FCHO2: variants seen among roughly 807,000 people sequenced by gnomAD.
FCHO2 encodes F-BAR domain only protein 2.
In FCHO2, 43 loss-of-function variants were observed where a neutral mutation model predicts 114.1. That is an observed-to-expected ratio of 0.38 (90% confidence interval 0.30 to 0.49). The LOEUF (loss-of-function observed/expected upper bound fraction) is 0.49. FCHO2 is among the 20% of genes least tolerant of loss of function. The pLI is 0.97. For synonymous variants in FCHO2, 293 were observed against 315.2 expected (o/e 0.93, Z 0.75); for missense variants, 807 against 950.4 (o/e 0.85, Z 1.98).
At chr5:72,998,564 A>G (rs1329016443) in intron 5 of FCHO2, among the ~76,000 whole-genome samples, 2 of 151,982 alleles carry the variant, frequency 1.3e-5, no homozygotes. Flanking sequence ...CCAACAGTGA[A>G]TTGGTATGGG....
intron 1 of FCHO2, 95 bp downstream of exon 1, chr5:72,956,224 C>A: frequency 7.4e-7 from 1 of 1,352,132 alleles, no homozygotes; most frequent in Non-Finnish European, 1.0e-6. Context: ...GGCGGCGGCC[C>A]CTCCGGCAGG....
chr5:72,984,469 A>G lies in FCHO2; in HGVS notation c.126-4958A>G, dbSNP rs192490523. The stretch of plus-strand genomic sequence containing the variant: ...TTTGAAAGATTATTGTTTTTTCCTT[A>G]TGTGCTTAATAGAATTTTCTGGTAA... On this transcript the variant is annotated intron_variant, in intron 2 of 25. Coordinates refer to ENST00000430046, the MANE Select transcript of FCHO2 (RefSeq NM_138782.3). Among the ~76,000 whole-genome samples, 127 of 152,180 alleles carry G rather than the reference A, an allele frequency of 8.3e-4. 1 individual carries two copies. The highest frequency in any genetic ancestry group is 3.4e-3 in the Middle Eastern group (1 of 294).
intron 19 of FCHO2, among the ~76,000 whole-genome samples, chr5:73,069,267 A>G (rs921543774): frequency 6.6e-6 from 1 of 151,986 alleles, no homozygotes; most frequent in African/African-American, 2.4e-5. Flanking sequence ...GTGGAAGACA[A>G]TTTTTCCATG....
chr5:73,077,320 T>A lies in FCHO2; in HGVS notation c.1692-18T>A. ...TTAGAGCATTTTATTTAAACACTTT[T>A]CAAAATCCCTGTTTTAGGTGTATTG... On this transcript the variant is annotated intron_variant, in intron 20 of 25. Transcript: ENST00000430046. The A allele has an allele frequency of 1.3e-6, 2 of 1,551,820 alleles. No individual in the cohort carries two copies.
chr5:73,055,385 G>A (rs1757544258), intron 15 of FCHO2, among the ~76,000 whole-genome samples: 1 of 152,154 alleles, frequency 6.6e-6, no homozygotes, highest in Non-Finnish European at 1.5e-5. Context: ...TCCATAGTTT[G>A]TGGAAGTTAC....
intron 11 of FCHO2, 28 bp from the exon 12 acceptor site, chr5:73,051,321 T>C (rs140682371): frequency 5.4e-5 from 78 of 1,446,486 alleles, no homozygotes; most frequent in East Asian, 7.5e-5. Flanking sequence ...GGAGTTGTCA[T>C]TATAATTTTT....
intron 5 of FCHO2, among the ~76,000 whole-genome samples, chr5:73,004,778 G>A (rs372805977): frequency 6.6e-6 from 1 of 151,948 alleles, no homozygotes; most frequent in East Asian, 1.9e-4. Flanking sequence ...AGAATATTTA[G>A]AGAGAGAGAG....
At chr5:72,994,374 A>G (rs1170703800) in intron 5 of FCHO2, among the ~76,000 whole-genome samples, 2 of 152,206 alleles carry the variant, frequency 1.3e-5, no homozygotes, top group Non-Finnish European at 2.9e-5. Flanking sequence ...CAACAAGCAT[A>G]TGAAAAAAAG....
chr5:72,978,804 C>T (rs1386807282), intron 2 of FCHO2, among the ~76,000 whole-genome samples: 3 of 151,992 alleles, frequency 2.0e-5, no homozygotes, highest in Admixed American at 6.6e-5. Context: ...GTTTATTGAG[C>T]GTTTTTTGCG....
At chr5:73,017,404 A>G (rs945276473) in intron 8 of FCHO2, 96 bp downstream of exon 8, 79 of 663,524 alleles carry the variant, frequency 1.2e-4, no homozygotes, top group South Asian at 2.1e-4. Context: ...GGGTAATTTT[A>G]ACTTTATATC....
intron 5 of FCHO2, among the ~76,000 whole-genome samples, chr5:72,991,354 A>G (rs1312343101): frequency 1.3e-5 from 2 of 152,230 alleles, no homozygotes; most frequent in Non-Finnish European, 2.9e-5. Context: ...ATGAGCCACT[A>G]CACCCAACCA....
At chr5:72,971,793 A>G (rs952040432) in intron 2 of FCHO2, among the ~76,000 whole-genome samples, 11 of 152,216 alleles carry the variant, frequency 7.2e-5, no homozygotes, top group East Asian at 5.8e-4. Flanking sequence ...TGTCCTGAAT[A>G]GTAATGCCTA....
intron 11 of FCHO2, among the ~76,000 whole-genome samples, chr5:73,047,873 G>A (rs192559867): frequency 2.6e-5 from 4 of 152,026 alleles, no homozygotes; most frequent in Admixed American, 6.6e-5. Flanking sequence ...GTCTTGCTCT[G>A]TTGCCTAGGC....
chr5:73,080,535 G>T lies in FCHO2; in HGVS notation c.1981-1248G>T, dbSNP rs540308656. Among the ~76,000 whole-genome samples the T allele has an allele frequency of 3.3e-4, 51 of 152,282 alleles. 1 individual carries two copies. In the South Asian group the frequency reaches 0.01, roughly 30 times the overall value. Reference sequence around the variant, plus strand: ...AATTAATTACTATAGCCATTAAAAAGAATGACATGGATCTATGTTTGCATA... The same window carrying T: ...AATTAATTACTATAGCCATTAAAAATAATGACATGGATCTATGTTTGCATA... On this transcript the variant is annotated intron_variant, in intron 22 of 25. Coordinates refer to ENST00000430046, the MANE Select transcript of FCHO2 (RefSeq NM_138782.3).
intron 2 of FCHO2, among the ~76,000 whole-genome samples, chr5:72,977,327 A>G (rs1027684500): frequency 6.6e-6 from 1 of 152,150 alleles, no homozygotes; most frequent in African/African-American, 2.4e-5. Flanking sequence ...TCTGACTGTC[A>G]TGAGATGGTA....
At chr5:72,964,709 A>G (rs1040893272) in intron 1 of FCHO2, among the ~76,000 whole-genome samples, 1 of 151,976 alleles carries the variant, frequency 6.6e-6, no homozygotes, top group African/African-American at 2.4e-5. Flanking sequence ...TTTAGTCACT[A>G]TTTTCTCCAT....
chr5:73,064,623 A>G (rs1247539251), intron 18 of FCHO2, among the ~76,000 whole-genome samples: 1 of 151,926 alleles, frequency 6.6e-6, no homozygotes, highest in African/African-American at 2.4e-5. Flanking sequence ...TGTGTGGTTG[A>G]CTGTTTTAGC....
chr5:73,020,768 G>C (rs1156887702), intron 8 of FCHO2: 1 of 1,058,004 alleles, frequency 9.5e-7, no homozygotes, highest in Non-Finnish European at 1.5e-6. Context: ...AATTCTGTGA[G>C]AGATATGGCA....
At chr5:73,063,369 A>AT (rs58800156) in intron 17 of FCHO2, among the ~76,000 whole-genome samples, 45,276 of 151,902 alleles carry the variant, frequency 0.3, 6,977 homozygotes, top group East Asian at 0.44. Flanking sequence ...AAATGTTACA[A>AT]TGTGGTTCAA....
Sources: gnomAD v4.1 joint callset for allele counts (sites outside exome capture counted in the v4.1 genomes callset) on GRCh38, gnomAD v4.1.1 for gene constraint, MANE v1.5 for transcripts, NCBI Gene and HGNC (gene_info 2026-07-23, HGNC 2026-07-21) for gene names.